The following CPQ variants were observed in gnomAD, a reference collection of about 807,000 sequenced individuals.
The protein encoded by CPQ is carboxypeptidase Q.
Under a neutral mutation model 45.7 loss-of-function variants are expected in CPQ, and 37 were observed. The observed-to-expected ratio is 0.81, with a 90% CI of 0.62 to 1.07. The LOEUF is 1.07. Ranked by LOEUF, CPQ falls within the 50% of genes least tolerant of loss-of-function variation. CPQ has a pLI of 0.00. For synonymous variants in CPQ, 186 were observed against 205.8 expected (o/e 0.90, Z 0.82); for missense variants, 537 against 572.9 (o/e 0.94, Z 0.64).
At chr8:96,735,361 G>C (rs1809968652) in intron 1 of CPQ, among the ~76,000 whole-genome samples, 1 of 152,164 alleles carries the variant, frequency 6.6e-6, no homozygotes, top group African/African-American at 2.4e-5. Context: ...GTTTTAAGAG[G>C]CTTCTCAAGC....
At chr8:96,662,526 A>G (rs982440366) in intron 1 of CPQ, among the ~76,000 whole-genome samples, 2 of 152,224 alleles carry the variant, frequency 1.3e-5, no homozygotes, top group Non-Finnish European at 1.5e-5. Flanking sequence ...GCATCCTTAA[A>G]GCTGGCATAA....
At chr8:96,744,466 C>T (rs999493544) in intron 1 of CPQ, among the ~76,000 whole-genome samples, 7 of 152,142 alleles carry the variant, frequency 4.6e-5, no homozygotes, top group Non-Finnish European at 8.8e-5. Context: ...AGCTGTAGAC[C>T]GGAGGTGTTC....
At chr8:97,070,838 T>A (rs1274326031) in intron 7 of CPQ, among the ~76,000 whole-genome samples, 1 of 152,192 alleles carries the variant, frequency 6.6e-6, no homozygotes, top group Non-Finnish European at 1.5e-5. Flanking sequence ...TTTTGCCTGA[T>A]TCTCCTATAT....
intron 5 of CPQ, among the ~76,000 whole-genome samples, chr8:96,987,687 C>G (rs954579120): frequency 6.6e-6 from 1 of 152,226 alleles, no homozygotes; most frequent in African/African-American, 2.4e-5. Context: ...TTGACTCCAT[C>G]TTAAACATCA....
intron 1 of CPQ, among the ~76,000 whole-genome samples, chr8:96,702,504 A>T (rs544737940): frequency 7.2e-5 from 11 of 152,168 alleles, no homozygotes; most frequent in Non-Finnish European, 1.6e-4. Context: ...CCATTGCCTT[A>T]TGTTTATTTG....
At chr8:97,058,455 A>G (rs558128639) in intron 6 of CPQ, among the ~76,000 whole-genome samples, 2 of 152,144 alleles carry the variant, frequency 1.3e-5, no homozygotes. Flanking sequence ...ACACATCTTT[A>G]TGTGTTGGTT....
At chr8:96,822,387 A>G (rs1811320027) in intron 2 of CPQ, among the ~76,000 whole-genome samples, 2 of 151,984 alleles carry the variant, frequency 1.3e-5, no homozygotes, top group South Asian at 4.1e-4. Context: ...TCTCTTTGAC[A>G]TACTGATTTC....
At chr8:97,045,242 T>C (rs1211088469) in intron 6 of CPQ, among the ~76,000 whole-genome samples, 1 of 151,968 alleles carries the variant, frequency 6.6e-6, no homozygotes, top group Non-Finnish European at 1.5e-5. Flanking sequence ...GATCTCAGAC[T>C]GCTGTGCTAG....
At chr8:96,662,747 A>C (rs535868057) in intron 1 of CPQ, among the ~76,000 whole-genome samples, 1 of 152,286 alleles carries the variant, frequency 6.6e-6, no homozygotes, top group Admixed American at 6.5e-5. Flanking sequence ...CAATCCCAGC[A>C]CTTTGAGTGG....
chr8:96,912,121 A>G (rs1388818927), intron 4 of CPQ, among the ~76,000 whole-genome samples: 1 of 152,194 alleles, frequency 6.6e-6, no homozygotes, highest in Non-Finnish European at 1.5e-5. Flanking sequence ...TGAATGATTC[A>G]TTTGTGATGT....
intron 6 of CPQ, among the ~76,000 whole-genome samples, chr8:97,050,038 C>T (rs1810331517): frequency 6.6e-6 from 1 of 152,176 alleles, no homozygotes; most frequent in East Asian, 1.9e-4. Flanking sequence ...TCTCCTGAAA[C>T]TCTAAGGGAG....
chr8:96,977,614 A>G (rs1010533950), intron 5 of CPQ, among the ~76,000 whole-genome samples: 2 of 151,984 alleles, frequency 1.3e-5, no homozygotes, highest in Non-Finnish European at 2.9e-5. Flanking sequence ...AATGATGGGT[A>G]TATATATATC....
chr8:96,722,068 C>T (rs1257854617), intron 1 of CPQ, among the ~76,000 whole-genome samples: 1 of 152,104 alleles, frequency 6.6e-6, no homozygotes, highest in Non-Finnish European at 1.5e-5. Context: ...TTCCTTACTT[C>T]CACAAGAAAT....
intron 4 of CPQ, among the ~76,000 whole-genome samples, chr8:96,924,482 T>C (rs1812847276): frequency 6.6e-6 from 1 of 152,222 alleles, no homozygotes; most frequent in South Asian, 2.1e-4. Flanking sequence ...GCCCATTTGA[T>C]TTATTATCTA....
chr8:97,099,365 A>G (rs1245980766), intron 7 of CPQ, among the ~76,000 whole-genome samples: 2 of 151,596 alleles, frequency 1.3e-5, no homozygotes, highest in Non-Finnish European at 2.9e-5. Flanking sequence ...TCCTGACCTC[A>G]GGCGATCCAT....
chr8:97,021,598 C>A lies in CPQ; in HGVS notation c.962-7805C>A, dbSNP rs902050777. ...ACTGAGAATCAAATCAAGAACTCAACCCCTTTTAAAATAGCTGCAAAAAGA... is the reference window on the plus strand; with the variant it reads ...ACTGAGAATCAAATCAAGAACTCAAACCCTTTTAAAATAGCTGCAAAAAGA... On this transcript the variant is annotated intron_variant, in intron 5 of 7. Transcript: ENST00000220763. 2.0e-5 allele frequency among the ~76,000 whole-genome samples: 3 copies of A among 152,028 alleles called. No homozygotes were observed. In the East Asian group the frequency reaches 5.8e-4, roughly 29 times the overall value.
chr8:96,778,532 C>T (rs758235911), intron 1 of CPQ, among the ~76,000 whole-genome samples: 37 of 152,070 alleles, frequency 2.4e-4, no homozygotes, highest in Admixed American at 1.1e-3. Context: ...TGCCTTCAAT[C>T]TTAGTAAATC....
At chr8:96,998,946 A>C (rs1809222487) in intron 5 of CPQ, among the ~76,000 whole-genome samples, 1 of 152,032 alleles carries the variant, frequency 6.6e-6, no homozygotes, top group Non-Finnish European at 1.5e-5. Flanking sequence ...GCTTTAAAGA[A>C]GGTACATGAT....
intron 3 of CPQ, among the ~76,000 whole-genome samples, chr8:96,873,659 G>A (rs1398172464): frequency 6.6e-6 from 1 of 151,586 alleles, no homozygotes; most frequent in African/African-American, 2.4e-5. Flanking sequence ...ACCTTCAAAA[G>A]CTCACAATCT....
Sources: gnomAD v4.1 joint callset for allele counts (sites outside exome capture counted in the v4.1 genomes callset) on GRCh38, gnomAD v4.1.1 for gene constraint, MANE v1.5 for transcripts, NCBI Gene and HGNC (gene_info 2026-07-23, HGNC 2026-07-21) for gene names.